Variants in GYPC observed in about 807,000 individuals in gnomAD.
GYPC encodes the protein glycophorin-C.
In GYPC, 14 loss-of-function variants were observed where a neutral mutation model predicts 12.6. The ratio of observed to expected loss-of-function variants is 1.11; its 90% CI spans 0.74 to 1.74. The LOEUF is 1.74. Among genes scored for constraint, GYPC ranks in the 40% most tolerant of loss-of-function variants. The pLI is 0.00. For missense variants in GYPC, 225 were observed against 172.1 expected (o/e 1.31, Z -1.72); for synonymous variants, 78 against 62.1 (o/e 1.26, Z -1.20).
chr2:126,671,660 A>G (rs1250859947), intron 1 of GYPC, among the ~76,000 whole-genome samples: 1 of 152,194 alleles, frequency 6.6e-6, no homozygotes, highest in Non-Finnish European at 1.5e-5. Flanking sequence ...GTGGCCTGGG[A>G]GCTCAGATTC....
chr2:126,691,424 C>T (rs1319617531), intron 2 of GYPC, among the ~76,000 whole-genome samples: 2 of 152,120 alleles, frequency 1.3e-5, no homozygotes, highest in African/African-American at 2.4e-5. Flanking sequence ...GCATTCTCTG[C>T]GTTACCCTCT....
intron 1 of GYPC, among the ~76,000 whole-genome samples, chr2:126,677,433 G>A (rs545494882): frequency 2.9e-5 from 4 of 139,672 alleles, no homozygotes; most frequent in African/African-American, 1.0e-4. Context: ...GAATGTGAGA[G>A]AGTAGGAGTG....
intron 1 of GYPC, among the ~76,000 whole-genome samples, chr2:126,681,317 C>T (rs1035774043): frequency 1.3e-5 from 2 of 152,200 alleles, no homozygotes; most frequent in African/African-American, 4.8e-5. Flanking sequence ...TGCACCCCTT[C>T]CCTAACTGCA....
intron 1 of GYPC, among the ~76,000 whole-genome samples, chr2:126,662,282 G>A (rs1682554409): frequency 6.6e-6 from 1 of 152,232 alleles, no homozygotes; most frequent in African/African-American, 2.4e-5. Context: ...CCGGGCAACA[G>A]GGGCCCATTG....
At chr2:126,695,774 T>G (rs1372663549) in intron 3 of GYPC, among the ~76,000 whole-genome samples, 172 bp from the exon 4 acceptor site, 1 of 152,216 alleles carries the variant, frequency 6.6e-6, no homozygotes, top group Non-Finnish European at 1.5e-5. Context: ...TTTACAGTAT[T>G]TTTAACTTAT....
chr2:126,663,365 C>A lies in GYPC; in HGVS notation c.49+7053C>A, dbSNP rs1444486377. Among the ~76,000 whole-genome samples the A allele has an allele frequency of 2.0e-5, 3 of 152,226 alleles. No homozygotes were observed. In the East Asian group the frequency reaches 5.8e-4, roughly 29 times the overall value. On this transcript the variant is annotated intron_variant, in intron 1 of 3. Coordinates refer to ENST00000259254, the MANE Select transcript of GYPC (RefSeq NM_002101.5). ...TCATGTTTTTATCCAAGAGTCAGCA[C>A]TGCGGTGGAGACAGCCCAGAAAACA...
intron 1 of GYPC, among the ~76,000 whole-genome samples, chr2:126,662,985 A>G (rs1682573126): frequency 6.6e-6 from 1 of 152,144 alleles, no homozygotes; most frequent in African/African-American, 2.4e-5. Flanking sequence ...GTGGTCCCAC[A>G]GAGACCAGGG....
chr2:126,662,274 G>A (rs750781658), intron 1 of GYPC, among the ~76,000 whole-genome samples: 11 of 152,186 alleles, frequency 7.2e-5, no homozygotes, highest in Non-Finnish European at 5.9e-5. Flanking sequence ...TGTATTCACC[G>A]GGCAACAGGG....
At chr2:126,690,893 T>C in intron 2 of GYPC, among the ~76,000 whole-genome samples, 1 of 110,950 alleles carries the variant, frequency 9.0e-6, no homozygotes, top group Non-Finnish European at 2.1e-5. Context: ...GCGACCTTCT[T>C]TGAGATCCAC....
At chr2:126,693,541 A>G (rs1683537942) in intron 2 of GYPC, among the ~76,000 whole-genome samples, 1 of 152,320 alleles carries the variant, frequency 6.6e-6, no homozygotes. Flanking sequence ...CCCTGCCTTC[A>G]TACACAGCAC....
Position 126,656,190 on chromosome 2 carries a change from C to T in GYPC, c.-74C>T. 5.2e-6 allele frequency: 8 copies of T among 1,533,810 alleles called. No individual in the cohort carries two copies. Among genetic ancestry groups the T allele is most frequent in the Non-Finnish European group, 7.0e-6 (8 of 1,139,336 alleles). ...CCGCCGAGGGTCAGGAGCCCGGGAG[C>T]GCGACCCTCCCCCGGCCCGGCCTGG... On this transcript the variant is annotated 5_prime_UTR_variant, in exon 1 of 4. Transcript: ENST00000259254.
At chr2:126,670,596 G>T (rs776847459) in intron 1 of GYPC, among the ~76,000 whole-genome samples, 1 of 152,180 alleles carries the variant, frequency 6.6e-6, no homozygotes, top group Non-Finnish European at 1.5e-5. Context: ...CACAGGCTTC[G>T]AGGGGGCCAG....
At position 126,677,354 on chromosome 2, in the gene GYPC, TGA is replaced by T. The variant is rs201788549; in HGVS notation, c.50-12899_50-12898del. Among the ~76,000 whole-genome samples the T allele has an allele frequency of 5.8e-3, 866 of 149,952 alleles. 5 individuals carry two copies. Among genetic ancestry groups the T allele is most frequent in the Non-Finnish European group, 9.3e-3 (625 of 67,144 alleles). On this transcript the variant is annotated intron_variant, in intron 1 of 3. Coordinates refer to ENST00000259254, the MANE Select transcript of GYPC (RefSeq NM_002101.5). ...TAGTGTGTAAGAAAGAATGTGTGTG[TGA>T]GTGTGAGAGAATGAGTAGGAGTGTG...
chr2:126,693,759 C>A, intron 2 of GYPC, 105 bp from the exon 3 acceptor site: 3 of 813,386 alleles, frequency 3.7e-6, no homozygotes, highest in Non-Finnish European at 6.7e-6. Context: ...TGGACCCATT[C>A]TCAGAGCTGC....
At chr2:126,676,009 T>C (rs1389172990) in intron 1 of GYPC, among the ~76,000 whole-genome samples, 1 of 152,238 alleles carries the variant, frequency 6.6e-6, no homozygotes, top group African/African-American at 2.4e-5. Flanking sequence ...ATGATACAAT[T>C]ATTTGAAATC....
intron 1 of GYPC, among the ~76,000 whole-genome samples, chr2:126,670,895 C>A (rs909109304): frequency 2.0e-5 from 3 of 152,194 alleles, no homozygotes; most frequent in African/African-American, 7.2e-5. Flanking sequence ...GCTACAATAG[C>A]AGCATTGAAT....
Position 126,656,244 on chromosome 2 carries a change from G to A in GYPC, c.-20G>A, listed in dbSNP as rs769054921. The A allele has an allele frequency of 7.3e-5, 116 of 1,597,628 alleles. No homozygotes were observed. The highest frequency in any genetic ancestry group is 8.9e-5 in the Non-Finnish European group (104 of 1,174,190). On this transcript the variant is annotated 5_prime_UTR_variant, in exon 1 of 4. Coordinates refer to ENST00000259254, the MANE Select transcript of GYPC (RefSeq NM_002101.5). The stretch of plus-strand genomic sequence containing the variant: ...GGCCTGGCCAGTCCCCGCGGTCTCT[G>A]CCCGGGCTGACGCCCAGGAATGTGG...
intron 1 of GYPC, among the ~76,000 whole-genome samples, chr2:126,668,791 T>C (rs1280174202): frequency 6.6e-6 from 1 of 152,116 alleles, no homozygotes; most frequent in African/African-American, 2.4e-5. Flanking sequence ...TCCTCAGAAT[T>C]GAGAGGGGAC....
intron 1 of GYPC, among the ~76,000 whole-genome samples, chr2:126,688,640 C>T (rs1309839644): frequency 2.0e-5 from 3 of 152,130 alleles, no homozygotes; most frequent in South Asian, 2.1e-4. Context: ...TCTTGGCGGC[C>T]TCAGTGCCTT....
Sources: gnomAD v4.1 joint callset for allele counts (sites outside exome capture counted in the v4.1 genomes callset) on GRCh38, gnomAD v4.1.1 for gene constraint, MANE v1.5 for transcripts, NCBI Gene and HGNC (gene_info 2026-07-23, HGNC 2026-07-21) for gene names.